CHRAC1: variants seen among roughly 807,000 people sequenced by gnomAD.
CHRAC1 encodes the protein chromatin accessibility complex subunit 1, also known as chromatin accessibility complex protein 1.
CHRAC1 carries 6 observed loss-of-function variants against 9.1 expected under a neutral mutation model. That is an observed-to-expected ratio of 0.66 (90% confidence interval 0.36 to 1.29). CHRAC1 has a LOEUF of 1.29. CHRAC1 is among the 50% of genes most tolerant of loss of function. The pLI is 0.03. For synonymous variants in CHRAC1, 73 were observed against 64.5 expected, an observed-to-expected ratio of 1.13 and a Z score of -0.63; for missense variants, 168 against 163.5, an observed-to-expected ratio of 1.03 and a Z score of -0.15.
chr8:140,514,192 C>T, intron 1 of CHRAC1, 177 bp from the exon 2 acceptor site: 2 of 592,392 alleles, frequency 3.4e-6, no homozygotes, highest in Non-Finnish European at 5.3e-6. Flanking sequence ...CAGCGTGAGC[C>T]ACCACGCCTG....
intron 2 of CHRAC1, 142 bp from the exon 3 acceptor site, chr8:140,514,984 A>G: frequency 1.3e-6 from 1 of 794,574 alleles, no homozygotes; most frequent in Non-Finnish European, 2.0e-6. Flanking sequence ...TTGATATTTT[A>G]CCCAGAAATG....
rs543843288 is a variant in CHRAC1 at position 140,515,456 on chromosome 8, C to T, written c.*209C>T. ...ACAGCCAGAGGGAAAGCGACCCAGA[C>T]AGCAGCCCCTCCTCGACAGGCCCAC... On this transcript the variant is annotated 3_prime_UTR_variant, in exon 3 of 3. Transcript: ENST00000220913. The T allele has an allele frequency of 2.0e-5, 8 of 404,066 alleles. No individual in the cohort carries two copies. The East Asian group carries it at 2.9e-4, about 14-fold the overall frequency. The allele number at this position is 404,066 out of a possible 1,614,324, so 25.0% of individuals were successfully genotyped here.
chr8:140,511,944 C>G lies in CHRAC1; in HGVS notation c.147+298C>G, dbSNP rs1488381864. Reference sequence around the variant, plus strand: ...TTGTCGCCTTCCTTCGCTCCGCCCGCCCCTTCCTTCCGTGCGCACCTTCGC... The same window carrying G: ...TTGTCGCCTTCCTTCGCTCCGCCCGGCCCTTCCTTCCGTGCGCACCTTCGC... On this transcript the variant is annotated intron_variant, in intron 1 of 2. Transcript: ENST00000220913. 8.7e-6 allele frequency: 11 copies of G among 1,267,658 alleles called. No homozygotes were observed. In the East Asian group the frequency reaches 5.3e-4, roughly 61 times the overall value. The allele number at this position is 1,267,658 out of a possible 1,614,324, so 78.5% of individuals were successfully genotyped here.
In CHRAC1 at chr8:140,511,601, G is replaced by T; in HGVS notation, c.102G>T (p.Val34=). Reference sequence around the variant, plus strand: ...TCATCATGAAGAGCTCCCCCGAGGTGTCCAGCATCAACCAGGAGGCGTTGG... The same window carrying T: ...TCATCATGAAGAGCTCCCCCGAGGTTTCCAGCATCAACCAGGAGGCGTTGG... ...IRVIMKSSPE[V]SSINQEALVL... is the part of the protein sequence containing the mutation. The change falls in exon 1 of 3, where the codon GTG becomes GTT. Residue 34 remains valine (V), a synonymous_variant. Coordinates refer to ENST00000220913, the MANE Select transcript of CHRAC1 (RefSeq NM_017444.6). 1 of 1,480,396 alleles carries T rather than the reference G, an allele frequency of 6.8e-7. No homozygotes were observed. Among genetic ancestry groups the T allele is most frequent in the Admixed American group, 2.3e-5 (1 of 44,202 alleles). 91.7% of individuals were successfully genotyped at this position (1,480,396 alleles called of 1,614,324 possible). A position where few individuals can be genotyped will look rare whatever the true frequency, so the allele number is the denominator to read the frequency against.
rs2072276062 is a variant in CHRAC1, at chr8:140,511,658, G to T, written c.147+12G>T. On this transcript the variant is annotated intron_variant, in intron 1 of 2. Coordinates refer to ENST00000220913, the MANE Select transcript of CHRAC1 (RefSeq NM_017444.6). Reference sequence around the variant, plus strand: ...CGGCCAAGGCCACGGTGAGGGGGCAGGGCGGGGGTGTGGGCCGCCCTTACC... The same window carrying T: ...CGGCCAAGGCCACGGTGAGGGGGCATGGCGGGGGTGTGGGCCGCCCTTACC... 7.2e-7 allele frequency: 1 copy of T among 1,384,880 alleles called. No individual in the cohort carries two copies. The highest frequency in any genetic ancestry group is 3.0e-5 in the Admixed American group (1 of 33,892). The allele number at this position is 1,384,880 out of a possible 1,614,324, so 85.8% of individuals were successfully genotyped here.
At position 140,515,064 on chromosome 8, in the gene CHRAC1, G is replaced by C. The variant is rs539188882; in HGVS notation, c.275-62G>C. 1.0e-4 allele frequency: 157 copies of C among 1,516,810 alleles called. 1 individual carries two copies. In the African/African-American group the frequency reaches 2.0e-3, roughly 19 times the overall value. 94.0% of individuals were successfully genotyped at this position (1,516,810 alleles called of 1,614,324 possible). On this transcript the variant is annotated intron_variant, in intron 2 of 2. Transcript: ENST00000220913. ...AGCAGGAACTAGTACATTTTGAAAT[G>C]TGCATTGCTGTGTTCATAGTCTACC...
chr8:140,513,618 T>A (rs940958991), intron 1 of CHRAC1, among the ~76,000 whole-genome samples: 18 of 151,398 alleles, frequency 1.2e-4, no homozygotes, highest in Non-Finnish European at 2.1e-4. Context: ...TTTTTTTTAT[T>A]TTATTTTTAG....
rs527893343 is a variant in CHRAC1, at chr8:140,512,113, C to T, written c.147+467C>T. The T allele has an allele frequency of 4.4e-4, 451 of 1,028,348 alleles. 5 individuals carry two copies. In the South Asian group the frequency reaches 5.8e-3, roughly 13 times the overall value. 63.7% of individuals were successfully genotyped at this position (1,028,348 alleles called of 1,614,324 possible). On this transcript the variant is annotated intron_variant, in intron 1 of 2. Transcript: ENST00000220913. ...TCGCGTGCGGCGCTCAGTTTCCGGC[C>T]CTACCCGTGGGCGTCGGCGCCTAGT...
At position 140,511,560 on chromosome 8, in the gene CHRAC1, C is replaced by G. The variant is rs765251909; in HGVS notation, c.61C>G (p.Leu21Val). 1.4e-6 allele frequency: 2 copies of G among 1,461,058 alleles called. No individual in the cohort carries two copies. 90.5% of individuals were successfully genotyped at this position (1,461,058 alleles called of 1,614,324 possible). Residue 21 changes from leucine to valine, a missense_variant, in exon 1 of 3, where the codon CTA becomes GTA. Physicochemically the swap from Leu to Val is conservative, Grantham distance 32. Transcript: ENST00000220913. ...GGAGCAGCGGCTCATCTCGCTGCCT[C>G]TATCCCGCATCCGGGTCATCATGAA... is the stretch of plus-strand genomic sequence containing the variant. ...GGEQRLISLP[L>V]SRIRVIMKSS...
At chr8:140,512,066 A>T in intron 1 of CHRAC1, 2 of 1,254,484 alleles carry the variant, frequency 1.6e-6, no homozygotes, top group Non-Finnish European at 2.1e-6. Context: ...CGTCCCTCCC[A>T]CCTGTGCGCT....
At position 140,514,366 on chromosome 8, in the gene CHRAC1, T is replaced by G. The variant is rs2072312475; in HGVS notation, c.148-3T>G. 7.0e-6 allele frequency: 11 copies of G among 1,578,166 alleles called. No homozygotes were observed. In the East Asian group the frequency reaches 2.5e-4, roughly 36 times the overall value. Reference sequence around the variant, plus strand: ...TTCATTTGCATTTTTCATTTTGTTCTAGGAGCTCTTTGTTCAATGCCTAGC... The same window carrying G: ...TTCATTTGCATTTTTCATTTTGTTCGAGGAGCTCTTTGTTCAATGCCTAGC... On this transcript the variant is annotated splice_polypyrimidine_tract_variant and splice_region_variant and intron_variant, in intron 1 of 2. Coordinates refer to ENST00000220913, the MANE Select transcript of CHRAC1 (RefSeq NM_017444.6).
In CHRAC1 at chr8:140,516,073, A is replaced by G. The variant is rs1323855649; in HGVS notation, c.*826A>G. The G allele has an allele frequency of 6.6e-6, 1 of 152,016 alleles. No homozygotes were observed. The highest frequency in any genetic ancestry group is 1.5e-5 in the Non-Finnish European group (1 of 68,018). 9.4% of individuals were successfully genotyped at this position (152,016 alleles called of 1,614,324 possible). A position where few individuals can be genotyped will look rare whatever the true frequency, so the allele number is the denominator to read the frequency against. ...CCTGGCACTTCTTTTTACTGTCTAT[A>G]AGAGAAAACCTATCATAAGCCCAAT... On this transcript the variant is annotated 3_prime_UTR_variant, in exon 3 of 3. Coordinates refer to ENST00000220913, the MANE Select transcript of CHRAC1 (RefSeq NM_017444.6).
chr8:140,514,183 A>G, intron 1 of CHRAC1, 186 bp from the exon 2 acceptor site: 2 of 517,632 alleles, frequency 3.9e-6, no homozygotes, highest in South Asian at 2.5e-5. Context: ...TAGTATTACC[A>G]GCGTGAGCCA....
chr8:140,514,278 A>G (rs747538267), intron 1 of CHRAC1, 91 bp from the exon 2 acceptor site: 20 of 1,344,966 alleles, frequency 1.5e-5, no homozygotes, highest in Non-Finnish European at 2.0e-5. Flanking sequence ...TTTAAGCCTA[A>G]TTAAGGAATC....
chr8:140,511,353 GCTCC>G lies in CHRAC1; in HGVS notation c.-145_-142del. Reference sequence around the variant, plus strand: ...GAGCTCGTAGTTTCCCGGACGGGCCGCTCCCGGCCTCGCGGCCTCGCCTCCCCAC... The same window carrying G: ...GAGCTCGTAGTTTCCCGGACGGGCCGCGGCCTCGCGGCCTCGCCTCCCCAC... On this transcript the variant is annotated 5_prime_UTR_variant, in exon 1 of 3. Transcript: ENST00000220913. 1 of 652,506 alleles carries G rather than the reference GCTCC, an allele frequency of 1.5e-6. No individual in the cohort carries two copies. Among genetic ancestry groups the G allele is most frequent in the Non-Finnish European group, 2.2e-6 (1 of 457,002 alleles). The allele number at this position is 652,506 out of a possible 1,614,324, so 40.4% of individuals were successfully genotyped here.
Position 140,516,101 on chromosome 8 carries a change from T to C in CHRAC1, c.*854T>C, listed in dbSNP as rs1304413632. 1.3e-5 allele frequency: 2 copies of C among 152,150 alleles called. No homozygotes were observed. Among genetic ancestry groups the C allele is most frequent in the Non-Finnish European group, 2.9e-5 (2 of 68,026 alleles). 9.4% of individuals were successfully genotyped at this position (152,150 alleles called of 1,614,324 possible). The stretch of plus-strand genomic sequence containing the variant: ...AGAAAACCTATCATAAGCCCAATTT[T>C]TTTTTTCCACTTAGGGTAAATGTTT... On this transcript the variant is annotated 3_prime_UTR_variant, in exon 3 of 3. Transcript: ENST00000220913.
In CHRAC1 at chr8:140,515,596, A is replaced by G. The variant is rs897097478; in HGVS notation, c.*349A>G. 4.3e-4 allele frequency: 72 copies of G among 168,380 alleles called. 1 individual carries two copies. The highest frequency in any genetic ancestry group is 1.7e-3 in the African/African-American group (69 of 40,972). 10.4% of individuals were successfully genotyped at this position (168,380 alleles called of 1,614,324 possible). ...TTACAGTCGATTTTGAAGAGCTTCT[A>G]CATATCGGTTATGTAAATTCATATA... On this transcript the variant is annotated 3_prime_UTR_variant, in exon 3 of 3. Transcript: ENST00000220913.
chr8:140,514,555 C>G lies in CHRAC1; in HGVS notation c.274+60C>G. 4 of 1,388,984 alleles carry G rather than the reference C, an allele frequency of 2.9e-6. No homozygotes were observed. In the Middle Eastern group the frequency reaches 7.5e-4, roughly 262 times the overall value. 86.0% of individuals were successfully genotyped at this position (1,388,984 alleles called of 1,614,324 possible). A position where few individuals can be genotyped will look rare whatever the true frequency, so the allele number is the denominator to read the frequency against. On this transcript the variant is annotated intron_variant, in intron 2 of 2. Transcript: ENST00000220913. Reference sequence around the variant, plus strand: ...GATTAGTAATCAATAGCTCTTTCCCCACCCCTTGCCTCCCTTCTGCTCTCA... The same window carrying G: ...GATTAGTAATCAATAGCTCTTTCCCGACCCCTTGCCTCCCTTCTGCTCTCA...
Position 140,514,453 on chromosome 8 carries a change from G to A in CHRAC1, c.232G>A (p.Ala78Thr). Residue 78 changes from alanine (A) to threonine (T), a missense_variant, in exon 2 of 3, where the codon GCA (alanine) becomes ACA (threonine). Coordinates refer to ENST00000220913, the MANE Select transcript of CHRAC1 (RefSeq NM_017444.6). Reference protein sequence around the residue: ...EKKVLTYSDLANTAQQSETFQ... With the variant: ...EKKVLTYSDLTNTAQQSETFQ... ...GAAAGTACTGACTTACAGTGATTTA[G>A]CAAACACTGCACAGCAATCAGAAAC... is the stretch of plus-strand genomic sequence containing the variant. 6.3e-7 allele frequency: 1 copy of A among 1,577,918 alleles called. No homozygotes were observed. The highest frequency in any genetic ancestry group is 2.3e-5 in the East Asian group (1 of 43,646).
Sources: allele counts gnomAD v4.1 joint callset (sites outside exome capture counted in the v4.1 genomes callset), GRCh38; gene constraint gnomAD v4.1.1; transcripts MANE v1.5; gene names NCBI Gene and HGNC (gene_info 2026-07-23, HGNC 2026-07-21).